The following UNC45A variants were observed in gnomAD, a reference collection of about 807,000 sequenced individuals.
UNC45A encodes the protein unc-45 myosin chaperone A.
A neutral mutation model predicts 103.2 loss-of-function variants in UNC45A; 78 were observed. That is an observed-to-expected ratio of 0.76 (90% CI 0.63 to 0.91). UNC45A has a LOEUF of 0.91. Among genes scored for constraint, UNC45A ranks in the 40% least tolerant of loss-of-function variants. UNC45A has a pLI of 0.00. For synonymous variants in UNC45A, 495 were observed against 504.6 expected (o/e 0.98, Z 0.25); for missense variants, 1,193 against 1,224.8 (o/e 0.97, Z 0.39).
At position 90,935,724 on chromosome 15, in the gene UNC45A, C is replaced by T. The variant is rs2035977456; in HGVS notation, c.213+19C>T. ...CAAGCTGGTGAGGGAGCCTGGCGCTCTTCCCCTCGCCCGCCCGGGCCCCGG... is the reference window on the plus strand; with the variant it reads ...CAAGCTGGTGAGGGAGCCTGGCGCTTTTCCCCTCGCCCGCCCGGGCCCCGG... On this transcript the variant is annotated intron_variant, in intron 2 of 19. Transcript: ENST00000418476. 2.6e-6 allele frequency: 4 copies of T among 1,541,212 alleles called. No individual in the cohort carries two copies. The highest frequency in any genetic ancestry group is 2.3e-5 in the East Asian group (1 of 44,164).
In UNC45A at chr15:90,946,705, C is replaced by A. The variant is rs201875431; in HGVS notation, c.1291C>A (p.Arg431=). 2.0e-5 allele frequency: 32 copies of A among 1,613,058 alleles called. No individual in the cohort carries two copies. The South Asian group carries it at 3.0e-4, about 15-fold the overall frequency. The change falls in exon 10 of 20, where the codon CGG becomes AGG. Residue 431 remains arginine (R), a synonymous_variant. Coordinates refer to ENST00000418476, the MANE Select transcript of UNC45A (RefSeq NM_018671.5). ...LLQGPCDAGN[R]ALELSGVMES... ...GCAGGGCCCATGTGACGCTGGCAAC[C>A]GGGCCTTGGAGCTGAGCGGTGTCAT...
intron 13 of UNC45A, 48 bp downstream of exon 13, chr15:90,948,842 C>A: frequency 6.6e-7 from 1 of 1,509,524 alleles, no homozygotes; most frequent in South Asian, 1.2e-5. Flanking sequence ...ATGGGGACAG[C>A]TAACCCAGGG....
intron 2 of UNC45A, 114 bp from the exon 3 acceptor site, chr15:90,935,832 C>A: frequency 6.4e-7 from 1 of 1,567,306 alleles, no homozygotes; most frequent in Non-Finnish European, 8.6e-7. Flanking sequence ...GTTTTTTGCA[C>A]CTCAGGGTGG....
Position 90,938,441 on chromosome 15 carries a change from T to C in UNC45A, c.427-1290T>C, listed in dbSNP as rs147239587. Reference sequence around the variant, plus strand: ...AAAGCAAATAGGTTTCCTCTCTCAATGCCAACTCTGATTGGCAGTGGCTGC... The same window carrying C: ...AAAGCAAATAGGTTTCCTCTCTCAACGCCAACTCTGATTGGCAGTGGCTGC... On this transcript the variant is annotated intron_variant, in intron 4 of 19. Coordinates refer to ENST00000418476, the MANE Select transcript of UNC45A (RefSeq NM_018671.5). Among the ~76,000 whole-genome samples, 41 of 152,196 alleles carry C rather than the reference T, an allele frequency of 2.7e-4. No homozygotes were observed. In the East Asian group the frequency reaches 7.0e-3, roughly 26 times the overall value.
At chr15:90,952,862 C>T (rs1477816409) in intron 17 of UNC45A, 67 bp from the exon 18 acceptor site, 12 of 1,462,072 alleles carry the variant, frequency 8.2e-6, no homozygotes, top group Non-Finnish European at 1.0e-5. Context: ...GATTATAGTT[C>T]AACATGAGGG....
At position 90,946,340 on chromosome 15, in the gene UNC45A, C is replaced by T. The variant is rs186872856; in HGVS notation, c.1200-274C>T. ...ACTGATGATAAATTATGAAATAAGC[C>T]GAATCATTTCAGAGCTTAAGTCCAG... is the stretch of plus-strand genomic sequence containing the variant. On this transcript the variant is annotated intron_variant, in intron 9 of 19. Coordinates refer to ENST00000418476, the MANE Select transcript of UNC45A (RefSeq NM_018671.5). Among the ~76,000 whole-genome samples the T allele has an allele frequency of 2.0e-3, 304 of 151,910 alleles. 2 individuals are homozygous for T. Among genetic ancestry groups the T allele is most frequent in the African/African-American group, 6.9e-3 (284 of 41,428 alleles).
At chr15:90,940,740 C>T in intron 6 of UNC45A, 1 of 224,572 alleles carries the variant, frequency 4.5e-6, no homozygotes, top group Non-Finnish European at 8.8e-6. Flanking sequence ...AGGCGAAACC[C>T]TGTCTCTACT....
chr15:90,952,004 T>C (rs577684946), intron 17 of UNC45A, among the ~76,000 whole-genome samples: 2 of 152,248 alleles, frequency 1.3e-5, no homozygotes, highest in African/African-American at 4.8e-5. Flanking sequence ...CATCCTAATT[T>C]TGAGCATTTC....
intron 6 of UNC45A, among the ~76,000 whole-genome samples, chr15:90,941,787 G>C (rs892655606): frequency 6.6e-6 from 1 of 151,850 alleles, no homozygotes; most frequent in African/African-American, 2.4e-5. Context: ...GTGAAACCCC[G>C]TCTCTACTAA....
At chr15:90,931,687 C>T (rs2151348293), upstream of UNC45A, 1 of 1,613,998 alleles carries the variant, frequency 6.2e-7, no homozygotes, top group Non-Finnish European at 8.5e-7. Flanking sequence ...TCCCTTACAG[C>T]CCATACGAAA....
At chr15:90,950,949 C>T (rs1161039739) in intron 17 of UNC45A, among the ~76,000 whole-genome samples, 1 of 152,160 alleles carries the variant, frequency 6.6e-6, no homozygotes, top group Admixed American at 6.6e-5. Context: ...GAAAATACAC[C>T]TAAAAGTACT....
upstream of UNC45A, chr15:90,931,985 G>C: frequency 1.2e-6 from 2 of 1,613,904 alleles, no homozygotes; most frequent in Non-Finnish European, 1.7e-6. Flanking sequence ...TGTCAGCCAA[G>C]GGTTGCCCAT....
chr15:90,946,670 C>T lies in UNC45A; in HGVS notation c.1256C>T (p.Ser419Phe), dbSNP rs979245668. 1.2e-6 allele frequency: 2 copies of T among 1,612,270 alleles called. No individual in the cohort carries two copies. Among genetic ancestry groups the T allele is most frequent in the Admixed American group, 1.7e-5 (1 of 60,012 alleles). The change falls in exon 10 of 20, where the codon TCC becomes TTC. Residue 419 changes from serine (S) to phenylalanine (F), a missense_variant. Physicochemically the swap from Ser to Phe is radical, Grantham distance 155. Coordinates refer to ENST00000418476, the MANE Select transcript of UNC45A (RefSeq NM_018671.5). ...AGKLRAIQTVSCLLQGPCDAG... is the reference protein window; with the variant it reads ...AGKLRAIQTVFCLLQGPCDAG... ...AAGCTACGGGCCATCCAGACGGTGTCCTGCCTCCTGCAGGGCCCATGTGAC... is the reference window on the plus strand; with the variant it reads ...AAGCTACGGGCCATCCAGACGGTGTTCTGCCTCCTGCAGGGCCCATGTGAC...
Position 90,946,906 on chromosome 15 carries a change from G to A in UNC45A, c.1492G>A (p.Ala498Thr). ...CSEKDSIRIR[A>T]LVGLCKLGSA... is the part of the protein sequence containing the mutation. The stretch of plus-strand genomic sequence containing the variant: ...CGAGAAGGACAGCATCCGCATCCGG[G>A]CGCTAGTGGTGAGACGGTGGGCCTG... The change falls in exon 10 of 20, where the codon GCG (alanine) becomes ACG (threonine). Residue 498 changes from alanine to threonine, a missense_variant. Transcript: ENST00000418476. The A allele has an allele frequency of 6.2e-7, 1 of 1,602,764 alleles. No individual in the cohort carries two copies. Among genetic ancestry groups the A allele is most frequent in the African/African-American group, 1.3e-5 (1 of 74,892 alleles).
upstream of UNC45A, chr15:90,932,112 T>C (rs368111215): frequency 6.3e-7 from 1 of 1,588,432 alleles, no homozygotes; most frequent in Non-Finnish European, 8.6e-7. Context: ...GTGCCACACC[T>C]GACGGGGAGG....
In UNC45A at chr15:90,953,687, C is replaced by T. The variant is rs958031645; in HGVS notation, c.2806C>T (p.Leu936Phe). The part of the protein sequence containing the change: ...ACLDKAVEYG[L>F]IQPNQDGE ...CCTGGACAAAGCAGTGGAATATGGG[C>T]TTATCCAACCCAACCAAGATGGAGA... is the stretch of plus-strand genomic sequence containing the variant. Residue 936 changes from leucine (L) to phenylalanine (F), a missense_variant, in exon 20 of 20, where the codon CTT (leucine) becomes TTT (phenylalanine). Leu to Phe is a conservative substitution (Grantham distance 22). Coordinates refer to ENST00000418476, the MANE Select transcript of UNC45A (RefSeq NM_018671.5). 38 of 1,613,918 alleles carry T rather than the reference C, an allele frequency of 2.4e-5. No homozygotes were observed. Among genetic ancestry groups the T allele is most frequent in the Non-Finnish European group, 3.1e-5 (37 of 1,180,008 alleles).
chr15:90,950,457 G>C, intron 16 of UNC45A, 43 bp from the exon 17 acceptor site: 1 of 1,600,566 alleles, frequency 6.2e-7, no homozygotes, highest in African/African-American at 1.3e-5. Flanking sequence ...GGGCTTGTGG[G>C]GGCTGCGGCA....
chr15:90,945,777 C>T (rs1272816762), intron 9 of UNC45A, among the ~76,000 whole-genome samples: 3 of 151,386 alleles, frequency 2.0e-5, no homozygotes, highest in African/African-American at 7.3e-5. Context: ...GGATAATAGG[C>T]ACCCACCACC....
In UNC45A at chr15:90,944,926, AC is replaced by A; in HGVS notation, c.1063del (p.Gln355ArgfsTer9). ...AGATTTTGGAAGTGGGGGGCTCTCT[AC>A]AGGACCCTCCTGGGGAGCTCGCAGT... ...KKILEVGGSLQDPPGELAVTA... is the reference protein window; with the variant it reads ...KKILEVGGSLXDPPGELAVTA... On this transcript the variant is annotated frameshift_variant, in exon 9 of 20. Transcript: ENST00000418476. LOFTEE classifies it high-confidence loss of function. 1 of 1,612,406 alleles carries A rather than the reference AC, an allele frequency of 6.2e-7. No homozygotes were observed. The highest frequency in any genetic ancestry group is 8.5e-7 in the Non-Finnish European group (1 of 1,180,004).
Sources: allele counts gnomAD v4.1 joint callset (sites outside exome capture counted in the v4.1 genomes callset), GRCh38; gene constraint gnomAD v4.1.1; transcripts MANE v1.5; gene names NCBI Gene and HGNC (gene_info 2026-07-23, HGNC 2026-07-21).